Variants in RNF157 observed in about 807,000 individuals in gnomAD.
RNF157 encodes the protein ring finger protein 157.
RNF157 carries 55 observed loss-of-function variants against 88.3 expected under a neutral mutation model. The ratio of observed to expected loss-of-function variants is 0.62; its 90% confidence interval spans 0.50 to 0.78. The LOEUF is 0.78. Ranked by LOEUF, RNF157 falls within the 30% of genes least tolerant of loss-of-function variation. RNF157 has a pLI of 0.00. For missense variants in RNF157, 788 were observed against 860.8 expected, an observed-to-expected ratio of 0.92 and a Z score of 1.06; for synonymous variants, 334 against 341.2, an observed-to-expected ratio of 0.98 and a Z score of 0.23.
chr17:76,228,136 C>T (rs1421319180), intron 1 of RNF157, among the ~76,000 whole-genome samples: 1 of 152,074 alleles, frequency 6.6e-6, no homozygotes, highest in African/African-American at 2.4e-5. Flanking sequence ...CCATTTCCCC[C>T]CACTAATTTA....
rs183084708 is a variant in RNF157 at position 76,221,045 on chromosome 17, C to T, written c.89-8563G>A. The stretch of plus-strand genomic sequence containing the variant: ...CTGAGGCGGGAGAATTACTTGAACT[C>T]AGTAGGTCAAGGCTGCAGTGAACCG... On this transcript the variant is annotated intron_variant, in intron 1 of 18. Transcript: ENST00000269391. Among the ~76,000 whole-genome samples, 290 of 152,108 alleles carry T rather than the reference C, an allele frequency of 1.9e-3. 1 individual carries two copies. Among genetic ancestry groups the T allele is most frequent in the Admixed American group, 3.4e-3 (52 of 15,266 alleles).
At chr17:76,165,433 G>C (rs1011575977) in intron 7 of RNF157, 69 bp downstream of exon 7, 1 of 1,519,902 alleles carries the variant, frequency 6.6e-7, no homozygotes, top group Non-Finnish European at 9.1e-7. Context: ...CCCAGCAAAC[G>C]GGTTACATGT....
Position 76,194,817 on chromosome 17 carries a change from C to G in RNF157, c.207+17547G>C, listed in dbSNP as rs563850965. Among the ~76,000 whole-genome samples, 102 of 152,092 alleles carry G rather than the reference C, an allele frequency of 6.7e-4. 1 individual carries two copies. The highest frequency in any genetic ancestry group is 2.4e-4 in the Non-Finnish European group (16 of 68,018). Reference sequence around the variant, plus strand: ...GATCACGAGGTCAGGAGATCGAGACCATCCTGGCTAACATGGTGAAACCCC... The same window carrying G: ...GATCACGAGGTCAGGAGATCGAGACGATCCTGGCTAACATGGTGAAACCCC... On this transcript the variant is annotated intron_variant, in intron 2 of 18. Transcript: ENST00000269391.
chr17:76,231,949 T>C (rs773340251), intron 1 of RNF157, among the ~76,000 whole-genome samples: 18 of 152,244 alleles, frequency 1.2e-4, no homozygotes, highest in Non-Finnish European at 2.5e-4. Context: ...TTTCTATCTC[T>C]ATAAATGTGC....
intron 2 of RNF157, among the ~76,000 whole-genome samples, chr17:76,181,919 A>C (rs547594993): frequency 1.3e-5 from 2 of 151,636 alleles, no homozygotes; most frequent in Non-Finnish European, 2.9e-5. Context: ...AAAAAAAAAA[A>C]AAAAAAGAAT....
intron 1 of RNF157, among the ~76,000 whole-genome samples, chr17:76,235,925 CT>C (rs2070275938): frequency 6.6e-6 from 1 of 152,150 alleles, no homozygotes; most frequent in African/African-American, 2.4e-5. Context: ...AGGAAGATCG[CT>C]TGAGCCCAGG....
intron 17 of RNF157, among the ~76,000 whole-genome samples, chr17:76,152,917 A>G (rs2144805225): frequency 6.6e-6 from 1 of 152,344 alleles, no homozygotes; most frequent in South Asian, 2.1e-4. Context: ...AGTACATGAA[A>G]CAACAACTAA....
intron 18 of RNF157, 146 bp from the exon 19 acceptor site, chr17:76,145,499 C>A (rs529879125): frequency 3.3e-6 from 2 of 604,290 alleles, no homozygotes; most frequent in Non-Finnish European, 5.9e-6. Flanking sequence ...CCACAGCACT[C>A]GTGTGTGAGA....
In RNF157 at chr17:76,176,618, G is replaced by A. The variant is rs1479968267; in HGVS notation, c.208-2828C>T. ...AACGGCTGCTGCAGGGGGGTCGCAGGGAGCAGACAGACAGCCCCTCCACAG... is the reference window on the plus strand; with the variant it reads ...AACGGCTGCTGCAGGGGGGTCGCAGAGAGCAGACAGACAGCCCCTCCACAG... On this transcript the variant is annotated intron_variant, in intron 2 of 18. Coordinates refer to ENST00000269391, the MANE Select transcript of RNF157 (RefSeq NM_052916.3). This position sits in a 1 kb window ranked among gnomAD's most constrained non-coding sequence, Gnocchi z 4.2. Among the ~76,000 whole-genome samples, 1 of 152,164 alleles carries A rather than the reference G, an allele frequency of 6.6e-6. No homozygotes were observed. Among genetic ancestry groups the A allele is most frequent in the Non-Finnish European group, 1.5e-5 (1 of 68,018 alleles).
chr17:76,166,508 C>A lies in RNF157; in HGVS notation c.581G>T (p.Arg194Leu). The change falls in exon 6 of 19, where the codon CGA (arginine) becomes CTA (leucine). Residue 194 changes from arginine to leucine, a missense_variant. Arg to Leu is a moderately radical substitution (Grantham distance 102, BLOSUM62 -2). Transcript: ENST00000269391. The part of the protein sequence containing the change: ...AEEELGFDLD[R>L]EVYPLVVHAV... ...ATGTACCACTAGAGGGTAAACTTCTCGGTCTAAATCAAAGCCAAGCTGAAG... is the reference window on the plus strand; with the variant it reads ...ATGTACCACTAGAGGGTAAACTTCTAGGTCTAAATCAAAGCCAAGCTGAAG... The A allele has an allele frequency of 6.2e-7, 1 of 1,613,794 alleles. No individual in the cohort carries two copies. Among genetic ancestry groups the A allele is most frequent in the Non-Finnish European group, 8.5e-7 (1 of 1,179,904 alleles).
intron 1 of RNF157, among the ~76,000 whole-genome samples, chr17:76,238,065 G>A (rs2070311820): frequency 6.8e-6 from 1 of 147,950 alleles, no homozygotes; most frequent in Non-Finnish European, 1.5e-5. Context: ...GCCTGGGCGT[G>A]ACAGAGAGAG....
chr17:76,184,008 G>C (rs2069240542), intron 2 of RNF157, among the ~76,000 whole-genome samples: 1 of 151,990 alleles, frequency 6.6e-6, no homozygotes, highest in African/African-American at 2.4e-5. Context: ...TGGCCAGCAT[G>C]GTGAAACCCC....
chr17:76,203,761 T>C (rs900032118), intron 2 of RNF157, among the ~76,000 whole-genome samples: 3 of 146,298 alleles, frequency 2.1e-5, no homozygotes, highest in African/African-American at 7.8e-5. Flanking sequence ...CTGTAAAAAG[T>C]TTTGTTGCTT....
intron 1 of RNF157, among the ~76,000 whole-genome samples, chr17:76,232,626 C>T (rs564091286): frequency 6.6e-6 from 1 of 152,294 alleles, no homozygotes; most frequent in South Asian, 2.1e-4. Flanking sequence ...AGTGGAACTG[C>T]TGAATCATAA....
At chr17:76,226,696 G>A (rs1215509530) in intron 1 of RNF157, 18 of 1,611,898 alleles carry the variant, frequency 1.1e-5, no homozygotes, top group East Asian at 4.5e-5. Context: ...CCACCTCCAC[G>A]TAGTCATCTA....
intron 1 of RNF157, among the ~76,000 whole-genome samples, chr17:76,228,942 C>T (rs1237528929): frequency 1.4e-5 from 2 of 146,238 alleles, no homozygotes; most frequent in Non-Finnish European, 3.0e-5. Flanking sequence ...AATAATAATA[C>T]AAAAAAAAAA....
chr17:76,164,599 T>G, intron 8 of RNF157, 149 bp downstream of exon 8: 1 of 508,352 alleles, frequency 2.0e-6, no homozygotes, highest in Non-Finnish European at 3.4e-6. Flanking sequence ...TTTTTTTCTT[T>G]TCTTCTTTGA....
intron 2 of RNF157, among the ~76,000 whole-genome samples, chr17:76,211,189 G>A (rs1460229918): frequency 1.3e-5 from 2 of 152,172 alleles, no homozygotes; most frequent in East Asian, 1.9e-4. Context: ...TATCCACAGC[G>A]CCTATCACAG....
At position 76,240,231 on chromosome 17, in the gene RNF157, G is replaced by C. The variant is rs766753794; in HGVS notation, c.10C>G (p.Leu4Val). ...ACGCCCGCGTGCTGCCGGCTCGTCA[G>C]GGCCCCCATGGCCGCTGCGGCTGCA... is the stretch of plus-strand genomic sequence containing the variant. MGALTSRQHAGVEE... is the reference protein window; with the variant it reads MGAVTSRQHAGVEE... The change falls in exon 1 of 19, where the codon CTG becomes GTG. Residue 4 changes from leucine to valine, a missense_variant. By Grantham distance (32) the Leu-to-Val change is conservative. Transcript: ENST00000269391. This position sits in a 1 kb window ranked among gnomAD's most constrained non-coding sequence, Gnocchi z 4.4. The C allele has an allele frequency of 2.2e-6, 3 of 1,353,254 alleles. No individual in the cohort carries two copies. Among genetic ancestry groups the C allele is most frequent in the Non-Finnish European group, 2.9e-6 (3 of 1,037,672 alleles). 83.8% of individuals were successfully genotyped at this position (1,353,254 alleles called of 1,614,324 possible).
Sources: gnomAD v4.1 joint callset for allele counts (sites outside exome capture counted in the v4.1 genomes callset) on GRCh38, gnomAD v4.1.1 for gene constraint, Gnocchi (gnomAD v3.1) non-coding constraint, MANE v1.5 for transcripts, NCBI Gene and HGNC (gene_info 2026-07-23, HGNC 2026-07-21) for gene names.